Variants in KLRF2 observed in about 807,000 individuals in gnomAD.
The protein encoded by KLRF2 is killer cell lectin like receptor F2.
Under a neutral mutation model 25.3 loss-of-function variants are expected in KLRF2, and 28 were observed. The ratio of observed to expected loss-of-function variants is 1.11; its 90% CI spans 0.82 to 1.52. The LOEUF (loss-of-function observed/expected upper bound fraction) is 1.52. KLRF2 is among the 40% of genes most tolerant of loss of function. The probability of loss-of-function intolerance (pLI) is 0.00; values close to 1 mark genes in which losing one functional copy is unlikely to be tolerated. For missense variants in KLRF2, 265 were observed against 245.8 expected (o/e 1.08, Z -0.52); for synonymous variants, 73 against 85.0 (o/e 0.86, Z 0.78).
intron 1 of KLRF2, among the ~76,000 whole-genome samples, chr12:9,883,961 T>A (rs1591775682): frequency 6.6e-6 from 1 of 152,228 alleles, no homozygotes; most frequent in East Asian, 1.9e-4. Flanking sequence ...GATAAAAGAA[T>A]AAAAAATAGG....
chr12:9,887,951 G>A (rs1481369761), intron 2 of KLRF2, among the ~76,000 whole-genome samples: 1 of 150,372 alleles, frequency 6.7e-6, no homozygotes, highest in Non-Finnish European at 1.5e-5. Context: ...AACTACTTGG[G>A]AAGCTGAGGC....
Position 9,884,980 on chromosome 12 carries a change from A to G in KLRF2, c.117A>G (p.Gly39=), listed in dbSNP as rs1868134446. ...ATTATTGTCTTCTGCTCATATTTGGATGCATTGTGATCCTTATATTCATTA... is the reference window on the plus strand; with the variant it reads ...ATTATTGTCTTCTGCTCATATTTGGGTGCATTGTGATCCTTATATTCATTA... ...PQYYCLLLIF[G]CIVILIFIMT... The change falls in exon 2 of 6, where the codon GGA becomes GGG. Residue 39 remains glycine, a synonymous_variant. Coordinates refer to ENST00000535540, the MANE Select transcript of KLRF2 (RefSeq NM_001190765.1). 1 of 1,350,444 alleles carries G rather than the reference A, an allele frequency of 7.4e-7. No homozygotes were observed. Among genetic ancestry groups the G allele is most frequent in the Non-Finnish European group, 9.6e-7 (1 of 1,045,196 alleles). The allele number at this position is 1,350,444 out of a possible 1,614,324, so 83.7% of individuals were successfully genotyped here. A position where few individuals can be genotyped will look rare whatever the true frequency, so the allele number is the denominator to read the frequency against.
intron 3 of KLRF2, among the ~76,000 whole-genome samples, chr12:9,889,014 A>G (rs562158966): frequency 6.6e-6 from 1 of 152,304 alleles, no homozygotes; most frequent in East Asian, 1.9e-4. Flanking sequence ...TAGTGAGTCA[A>G]CAACAGGATG....
At chr12:9,889,561 T>C (rs1221148253) in intron 3 of KLRF2, among the ~76,000 whole-genome samples, 1 of 152,118 alleles carries the variant, frequency 6.6e-6, no homozygotes, top group Non-Finnish European at 1.5e-5. Context: ...TTCATCCTGT[T>C]GGCCTATTCT....
chr12:9,893,082 A>G lies in KLRF2; in HGVS notation c.280A>G (p.Thr94Ala). The change falls in exon 4 of 6, where the codon ACT (threonine) becomes GCT (alanine). Residue 94 changes from threonine to alanine, a missense_variant. Transcript: ENST00000535540. ...LNEGKCYWFS[T>A]SFKTWKESQR... is the part of the protein sequence containing the mutation. ...CGAAGGGAAATGTTACTGGTTTTCAACTTCTTTTAAAACGTGGAAAGAGAG... is the reference window on the plus strand; with the variant it reads ...CGAAGGGAAATGTTACTGGTTTTCAGCTTCTTTTAAAACGTGGAAAGAGAG... 6.5e-7 allele frequency: 1 copy of G among 1,535,818 alleles called. No homozygotes were observed. The highest frequency in any genetic ancestry group is 2.4e-5 in the East Asian group (1 of 40,888).
At chr12:9,885,148 T>C (rs73048808) in intron 2 of KLRF2, 116 bp downstream of exon 2, 3 of 346,654 alleles carry the variant, frequency 8.7e-6, no homozygotes, top group African/African-American at 2.1e-5. Context: ...ATATGTCATA[T>C]TATAAAATTA....
intron 3 of KLRF2, among the ~76,000 whole-genome samples, chr12:9,890,301 G>A (rs1215337064): frequency 6.6e-6 from 1 of 152,144 alleles, no homozygotes; most frequent in East Asian, 1.9e-4. Flanking sequence ...CAGTTCCCAC[G>A]AGTTGGGAGT....
In KLRF2 at chr12:9,887,831, C is replaced by T. The variant is rs572939421; in HGVS notation, c.170-902C>T. ...CTTTGGGAGGCCAAGGCAGGTGGAG[C>T]GCTTGAGCCCAGGAGTTCCAGACCA... On this transcript the variant is annotated intron_variant, in intron 2 of 5. Transcript: ENST00000535540. 5.5e-4 allele frequency among the ~76,000 whole-genome samples: 82 copies of T among 149,692 alleles called. 1 individual carries two copies. Among genetic ancestry groups the T allele is most frequent in the African/African-American group, 1.9e-3 (76 of 40,722 alleles).
At chr12:9,886,145 T>C (rs1380558578) in intron 2 of KLRF2, among the ~76,000 whole-genome samples, 1 of 152,158 alleles carries the variant, frequency 6.6e-6, no homozygotes, top group Non-Finnish European at 1.5e-5. Flanking sequence ...TGTTGATGAA[T>C]TACTAGTAGT....
At chr12:9,889,756 G>C (rs908787701) in intron 3 of KLRF2, among the ~76,000 whole-genome samples, 2 of 151,910 alleles carry the variant, frequency 1.3e-5, no homozygotes, top group African/African-American at 4.8e-5. Flanking sequence ...CGGTAATACA[G>C]TGTGGAGGCA....
At chr12:9,894,436 C>T (rs747730277) in intron 5 of KLRF2, among the ~76,000 whole-genome samples, 1 of 152,080 alleles carries the variant, frequency 6.6e-6, no homozygotes, top group Non-Finnish European at 1.5e-5. Flanking sequence ...CCCACCTCAG[C>T]CTCCCAAACT....
chr12:9,885,333 GTA>G (rs35466208), intron 2 of KLRF2, among the ~76,000 whole-genome samples: 115,402 of 149,220 alleles, frequency 0.77, 44,529 homozygotes, highest in South Asian at 0.85. Flanking sequence ...CATTATTTAA[GTA>G]TATATATATA....
chr12:9,895,139 C>G (rs1005750866), intron 5 of KLRF2, among the ~76,000 whole-genome samples: 4 of 152,186 alleles, frequency 2.6e-5, no homozygotes, highest in Admixed American at 6.5e-5. Flanking sequence ...TTTACTTTGA[C>G]TTAAACAAAA....
rs747235497 is a variant in KLRF2 at position 9,893,058 on chromosome 12, G to A, written c.256G>A (p.Glu86Lys). Residue 86 changes from glutamate to lysine, a missense_variant, in exon 4 of 6, where the codon GAA (glutamate) becomes AAA (lysine). Physicochemically the swap from Glu to Lys is moderately conservative, Grantham distance 56 (BLOSUM62 1). Coordinates refer to ENST00000535540, the MANE Select transcript of KLRF2 (RefSeq NM_001190765.1). ...GTGCCCAAATGACTGGCTGTTGAAC[G>A]AAGGGAAATGTTACTGGTTTTCAAC... ...YLCPNDWLLN[E>K]GKCYWFSTSF... The A allele has an allele frequency of 2.0e-5, 30 of 1,535,702 alleles. No individual in the cohort carries two copies. The highest frequency in any genetic ancestry group is 7.8e-5 in the Admixed American group (4 of 50,982).
intron 1 of KLRF2, among the ~76,000 whole-genome samples, chr12:9,883,681 A>AAT (rs1419240427): frequency 6.6e-6 from 1 of 152,222 alleles, no homozygotes; most frequent in African/African-American, 2.4e-5. Flanking sequence ...GAACAGCAGA[A>AAT]ATATCTACAG....
chr12:9,895,589 T>C (rs1862747280), intron 5 of KLRF2, 100 bp from the exon 6 acceptor site: 1 of 1,100,942 alleles, frequency 9.1e-7, no homozygotes, highest in Non-Finnish European at 1.2e-6. Flanking sequence ...AAACTTTGGC[T>C]GCTGAAGAAT....
Position 9,885,010 on chromosome 12 carries a change from A to G in KLRF2, c.147A>G (p.Thr49=). The G allele has an allele frequency of 7.6e-7, 1 of 1,312,522 alleles. No homozygotes were observed. The highest frequency in any genetic ancestry group is 9.8e-7 in the Non-Finnish European group (1 of 1,021,632). 81.3% of individuals were successfully genotyped at this position (1,312,522 alleles called of 1,614,324 possible). A position where few individuals can be genotyped will look rare whatever the true frequency, so the allele number is the denominator to read the frequency against. ...TTGTGATCCTTATATTCATTATGACAGGGATTGACCTGAAGTTCTGGCGTG... is the reference window on the plus strand; with the variant it reads ...TTGTGATCCTTATATTCATTATGACGGGGATTGACCTGAAGTTCTGGCGTG... The part of the protein sequence containing the change: ...GCIVILIFIM[T]GIDLKFWHKK... Residue 49 remains threonine (T), a synonymous_variant, in exon 2 of 6, where the codon ACA becomes ACG. Transcript: ENST00000535540.
chr12:9,893,248 G>A (rs1862707994), intron 4 of KLRF2, 80 bp downstream of exon 4: 3 of 1,305,522 alleles, frequency 2.3e-6, no homozygotes, highest in Non-Finnish European at 2.1e-6. Flanking sequence ...AGCTTGGGAG[G>A]TTTATTGTCG....
intron 5 of KLRF2, among the ~76,000 whole-genome samples, chr12:9,893,866 G>A (rs1047729661): frequency 6.6e-6 from 1 of 152,028 alleles, no homozygotes; most frequent in African/African-American, 2.4e-5. Flanking sequence ...ATAATTTTAT[G>A]CAAATACTTC....
Sources: gnomAD v4.1 joint callset for allele counts (sites outside exome capture counted in the v4.1 genomes callset) on GRCh38, gnomAD v4.1.1 for gene constraint, MANE v1.5 for transcripts, NCBI Gene and HGNC (gene_info 2026-07-23, HGNC 2026-07-21) for gene names.